Variants in TUSC3 observed in about 807,000 individuals in gnomAD.
TUSC3 encodes dolichyl-diphosphooligosaccharide--protein glycosyltransferase subunit TUSC3.
A neutral mutation model predicts 44.8 loss-of-function variants in TUSC3; 45 were observed. That is an observed-to-expected ratio of 1.00 (90% CI 0.79 to 1.29). TUSC3 has a LOEUF of 1.29. Ranked by LOEUF, TUSC3 falls within the 50% of genes most tolerant of loss-of-function variation. TUSC3 has a pLI of 0.00. For synonymous variants in TUSC3, 212 were observed against 152.9 expected (o/e 1.39, Z -2.85); for missense variants, 519 against 437.9 (o/e 1.19, Z -1.65).
intron 6 of TUSC3, among the ~76,000 whole-genome samples, chr8:15,679,393 G>A (rs1366136031): frequency 6.6e-6 from 1 of 151,944 alleles, no homozygotes; most frequent in Admixed American, 6.6e-5. Flanking sequence ...TTGACCACTT[G>A]CATGTTTTCT....
chr8:15,559,204 C>G (rs1218793866), intron 1 of TUSC3, among the ~76,000 whole-genome samples: 2 of 142,040 alleles, frequency 1.4e-5, no homozygotes, highest in South Asian at 5.0e-4. Flanking sequence ...TATGTTGTGT[C>G]TTTGTTCTCG....
At chr8:15,593,276 G>A (rs936662686) in intron 1 of TUSC3, among the ~76,000 whole-genome samples, 3 of 151,888 alleles carry the variant, frequency 2.0e-5, no homozygotes, top group African/African-American at 7.3e-5. Flanking sequence ...AGTAGAGACA[G>A]GGTTTCACCA....
upstream of TUSC3, among the ~76,000 whole-genome samples, chr8:15,537,057 C>G (rs751876189): frequency 1.3e-5 from 2 of 152,104 alleles, no homozygotes; most frequent in African/African-American, 2.4e-5. Context: ...TGTTTTTCTT[C>G]CTTTCTTTGC....
At chr8:15,814,588 A>G in the TUSC3 span, among the ~76,000 whole-genome samples, 1 of 152,212 alleles carries the variant, frequency 6.6e-6, no homozygotes, top group Admixed American at 6.5e-5. Context: ...CTCTTTGCTC[A>G]GGAGTTGAAT....
intron 2 of TUSC3, among the ~76,000 whole-genome samples, chr8:15,531,092 C>T (rs554729857): frequency 6.6e-5 from 10 of 152,082 alleles, no homozygotes; most frequent in South Asian, 2.1e-4. Flanking sequence ...GCTGTGCATG[C>T]GGGCAGCTTA....
intron 1 of TUSC3, among the ~76,000 whole-genome samples, chr8:15,615,935 G>T (rs1190450820): frequency 6.6e-6 from 1 of 152,148 alleles, no homozygotes; most frequent in African/African-American, 2.4e-5. Flanking sequence ...GGACTCAAGT[G>T]ATCCTCTGGA....
the TUSC3 span, among the ~76,000 whole-genome samples, chr8:15,848,385 C>T: frequency 6.6e-6 from 1 of 152,320 alleles, no homozygotes; most frequent in Non-Finnish European, 1.5e-5. Context: ...CAGCCCCTCA[C>T]ATCAGAAAAC....
rs113618549 is a variant in TUSC3 at position 15,631,741 on chromosome 8, T to C, written c.308+8492T>C. 3.3e-4 allele frequency among the ~76,000 whole-genome samples: 50 copies of C among 152,004 alleles called. No homozygotes were observed. In the East Asian group the frequency reaches 3.9e-3, roughly 12 times the overall value. ...TTGTTTTTAAGACACAGTCTTGCTG[T>C]GTCACCCAGGCTGGAGTGCAGTGGC... On this transcript the variant is annotated intron_variant, in intron 2 of 10. Coordinates refer to ENST00000503731, the MANE Select transcript of TUSC3 (RefSeq NM_006765.4).
chr8:15,756,606 A>G (rs1811938030), intron 9 of TUSC3, among the ~76,000 whole-genome samples: 1 of 152,184 alleles, frequency 6.6e-6, no homozygotes, highest in Non-Finnish European at 1.5e-5. Flanking sequence ...TGCTAAGCAC[A>G]TAGTAGGTGC....
At chr8:15,725,483 G>C (rs77283977) in intron 6 of TUSC3, among the ~76,000 whole-genome samples, 1,691 of 152,218 alleles carry the variant, frequency 0.011, 11 homozygotes, top group Non-Finnish European at 0.018. Flanking sequence ...ATTTAACTCA[G>C]ATATAGTTTG....
rs1373248681 is a variant in TUSC3, at chr8:15,738,827, C to CTTTTTTTTTTCTTTTTT, written c.863-4701_863-4700insCTTTTTTTTTTTTTTTT. ...ACAAAATTACTATTAATATATCTTG[C>CTTTTTTTTTTCTTTTTT]TTTTTTTTTTTTTTTTTTTTTTTGA... is the stretch of plus-strand genomic sequence containing the variant. On this transcript the variant is annotated intron_variant, in intron 7 of 10. Transcript: ENST00000503731. Among the ~76,000 whole-genome samples the CTTTTTTTTTTCTTTTTT allele has an allele frequency of 4.6e-5, 4 of 87,168 alleles. No homozygotes were observed. The Admixed American group carries it at 4.6e-4, about 10-fold the overall frequency. 57.2% of individuals were successfully genotyped at this position (87,168 alleles called of 152,430 possible).
At chr8:15,571,378 T>A (rs1211576819) in intron 1 of TUSC3, among the ~76,000 whole-genome samples, 1 of 152,118 alleles carries the variant, frequency 6.6e-6, no homozygotes, top group Non-Finnish European at 1.5e-5. Flanking sequence ...GTTAGCAAGT[T>A]TTTTGGTTTC....
chr8:15,674,129 A>G (rs1195084420), intron 6 of TUSC3, among the ~76,000 whole-genome samples: 2 of 152,054 alleles, frequency 1.3e-5, no homozygotes, highest in African/African-American at 4.8e-5. Flanking sequence ...CTATGGCGAT[A>G]ACATGTAACC....
chr8:15,645,133 A>T (rs1444555337), intron 2 of TUSC3, among the ~76,000 whole-genome samples: 1 of 152,164 alleles, frequency 6.6e-6, no homozygotes, highest in East Asian at 1.9e-4. Context: ...CTCCTCCAAT[A>T]TATCATGCAT....
intron 2 of TUSC3, among the ~76,000 whole-genome samples, chr8:15,649,851 T>C (rs973654228): frequency 2.0e-5 from 3 of 152,192 alleles, no homozygotes; most frequent in African/African-American, 7.2e-5. Context: ...TATTTTCATT[T>C]TGGGGAGAGG....
At position 15,764,301 on chromosome 8, in the gene TUSC3, T is replaced by C; in HGVS notation, c.*145T>C. 1 of 1,427,460 alleles carries C rather than the reference T, an allele frequency of 7.0e-7. No individual in the cohort carries two copies. Among genetic ancestry groups the C allele is most frequent in the Non-Finnish European group, 9.8e-7 (1 of 1,020,688 alleles). The allele number at this position is 1,427,460 out of a possible 1,614,324, so 88.4% of individuals were successfully genotyped here. ...TTTATACTATTTTGAATTCATTCAT[T>C]TCATTGTGATCAGCTAGCTTATTCT... On this transcript the variant is annotated 3_prime_UTR_variant, in exon 11 of 11. Transcript: ENST00000503731.
intron 2 of TUSC3, among the ~76,000 whole-genome samples, chr8:15,523,704 G>A (rs370464811): frequency 0.62 from 69,079 of 111,810 alleles, 22,426 homozygotes; most frequent in African/African-American, 0.64. Flanking sequence ...GTGTGTGTGT[G>A]TGTGTATATA....
In TUSC3 at chr8:15,495,516, C is replaced by G. The variant is rs142408964; in HGVS notation, n.189+12033C>G. On this transcript the variant is annotated intron_variant and non_coding_transcript_variant, in intron 2 of 5. Coordinates refer to the TUSC3 transcript ENST00000503191. Reference sequence around the variant, plus strand: ...CATATGTCCTACCTCTAGCAAGGCCCCAAGAGGATGCTTTTGGTTTCCAGG... The same window carrying G: ...CATATGTCCTACCTCTAGCAAGGCCGCAAGAGGATGCTTTTGGTTTCCAGG... Among the ~76,000 whole-genome samples, 451 of 152,220 alleles carry G rather than the reference C, an allele frequency of 3.0e-3. 3 individuals are homozygous for G. The highest frequency in any genetic ancestry group is 0.01 in the African/African-American group (435 of 41,510).
chr8:15,845,919 G>T, the TUSC3 span, among the ~76,000 whole-genome samples: 1 of 152,150 alleles, frequency 6.6e-6, no homozygotes, highest in Non-Finnish European at 1.5e-5. Context: ...TGGACTTACA[G>T]TTCCATATGG....
Sources: gnomAD v4.1 joint callset for allele counts (sites outside exome capture counted in the v4.1 genomes callset) on GRCh38, gnomAD v4.1.1 for gene constraint, MANE v1.5 for transcripts, NCBI Gene and HGNC (gene_info 2026-07-23, HGNC 2026-07-21) for gene names.